The following RCSD1 variants were observed in gnomAD, a reference collection of about 807,000 sequenced individuals.
RCSD1 encodes capZ-interacting protein.
Under a neutral mutation model 42.5 loss-of-function variants are expected in RCSD1, and 26 were observed. That is an observed-to-expected ratio of 0.61 (90% confidence interval 0.45 to 0.85). The LOEUF (loss-of-function observed/expected upper bound fraction) is 0.85, where lower values mean the gene tolerates loss of function less well. Ranked by LOEUF, RCSD1 falls within the 40% of genes least tolerant of loss-of-function variation. The probability of loss-of-function intolerance (pLI) is 0.00; values close to 1 mark genes in which losing one functional copy is unlikely to be tolerated. For missense variants in RCSD1, 571 were observed against 528.3 expected, an observed-to-expected ratio of 1.08 and a Z score of -0.79; for synonymous variants, 220 against 212.2, an observed-to-expected ratio of 1.04 and a Z score of -0.32.
chr1:167,640,773 C>T (rs1047730187), intron 1 of RCSD1: 1 of 152,352 alleles, frequency 6.6e-6, no homozygotes, highest in Non-Finnish European at 1.5e-5. Context: ...TGGTCTTGAA[C>T]TCTTGGGCTC....
intron 4 of RCSD1, among the ~76,000 whole-genome samples, chr1:167,691,006 G>A (rs575453153): frequency 3.9e-5 from 6 of 152,140 alleles, no homozygotes; most frequent in Non-Finnish European, 7.4e-5. Flanking sequence ...GCTTTCACAG[G>A]TGATATAATA....
chr1:167,635,545 GGC>G (rs1474919384), intron 1 of RCSD1, among the ~76,000 whole-genome samples: 6 of 152,218 alleles, frequency 3.9e-5, no homozygotes, highest in Non-Finnish European at 5.9e-5. Context: ...GCCAGAGCTT[GGC>G]GCGCGCGGTT....
intron 1 of RCSD1, among the ~76,000 whole-genome samples, chr1:167,658,621 G>C (rs1030948918): frequency 1.4e-4 from 22 of 151,930 alleles, no homozygotes; most frequent in African/African-American, 5.3e-4. Flanking sequence ...TGGAGAGACG[G>C]AGTTCCACCA....
intron 1 of RCSD1, among the ~76,000 whole-genome samples, chr1:167,649,071 A>G (rs1472068610): frequency 6.6e-6 from 1 of 152,236 alleles, no homozygotes; most frequent in African/African-American, 2.4e-5. Context: ...CTCAGAACAC[A>G]GATCTGAGTA....
At chr1:167,644,488 A>AATAAATACATACATAC (rs1295341494) in intron 1 of RCSD1, among the ~76,000 whole-genome samples, 1 of 76,722 alleles carries the variant, frequency 1.3e-5, no homozygotes, top group African/African-American at 5.6e-5. Flanking sequence ...TCAAAAAATA[A>AATAAATACATACATAC]ATACATACAT....
intron 1 of RCSD1, among the ~76,000 whole-genome samples, chr1:167,647,425 CAA>C (rs35279177): frequency 3.9e-5 from 5 of 128,348 alleles, no homozygotes; most frequent in East Asian, 2.3e-4. Flanking sequence ...CCCATCGCTA[CAA>C]AAAAAAAAAA....
chr1:167,649,246 G>A (rs1355852568), intron 1 of RCSD1, among the ~76,000 whole-genome samples: 1 of 152,172 alleles, frequency 6.6e-6, no homozygotes, highest in African/African-American at 2.4e-5. Flanking sequence ...AGAGGACAGT[G>A]TGCAGGATCC....
chr1:167,634,170 G>A (rs1291757802), intron 1 of RCSD1, among the ~76,000 whole-genome samples: 1 of 152,168 alleles, frequency 6.6e-6, no homozygotes, highest in African/African-American at 2.4e-5. Context: ...GAAGGCTTCT[G>A]TGAAGCCCCC....
intron 1 of RCSD1, among the ~76,000 whole-genome samples, chr1:167,661,315 C>T (rs537201167): frequency 1.3e-5 from 2 of 152,210 alleles, no homozygotes; most frequent in Admixed American, 1.3e-4. Flanking sequence ...GCACTTCTAA[C>T]TCCACATCCT....
At chr1:167,688,088 A>G (rs1173902055) in intron 3 of RCSD1, among the ~76,000 whole-genome samples, 1 of 152,192 alleles carries the variant, frequency 6.6e-6, no homozygotes, top group African/African-American at 2.4e-5. Flanking sequence ...TTAAACCGTA[A>G]GGGAAATGAT....
At chr1:167,659,743 C>G (rs959323698) in intron 1 of RCSD1, among the ~76,000 whole-genome samples, 2 of 152,170 alleles carry the variant, frequency 1.3e-5, no homozygotes, top group Non-Finnish European at 1.5e-5. Context: ...GCCCCCTCCC[C>G]CATTTGCTCC....
chr1:167,685,469 CT>C lies in RCSD1; in HGVS notation c.158del (p.Leu53ArgfsTer6), dbSNP rs776971032. ...AAGGAAACCGCCCTGTTCCCTCCCCCTGTTCCCCCCCAAGGTAGACCTGGGC... is the reference window on the plus strand; with the variant it reads ...AAGGAAACCGCCCTGTTCCCTCCCCCGTTCCCCCCCAAGGTAGACCTGGGC... ...TRRKPPCSLP[L>X]FPPKVDLGQN... On this transcript the variant is annotated frameshift_variant, in exon 3 of 7. Coordinates refer to ENST00000367854, the MANE Select transcript of RCSD1 (RefSeq NM_052862.4). LOFTEE classifies it high-confidence loss of function. The C allele has an allele frequency of 1.9e-6, 3 of 1,613,856 alleles. No homozygotes were observed. Among genetic ancestry groups the C allele is most frequent in the Admixed American group, 3.3e-5 (2 of 59,986 alleles).
intron 1 of RCSD1, among the ~76,000 whole-genome samples, chr1:167,674,308 T>C (rs1658887064): frequency 6.6e-6 from 1 of 152,182 alleles, no homozygotes; most frequent in East Asian, 1.9e-4. Context: ...CAAGGCATGC[T>C]GGAGGCAGGG....
At chr1:167,702,671 C>G (rs1659670775) in intron 6 of RCSD1, among the ~76,000 whole-genome samples, 1 of 152,108 alleles carries the variant, frequency 6.6e-6, no homozygotes, top group Non-Finnish European at 1.5e-5. Flanking sequence ...CCCAGCTATG[C>G]AGGAGGCTGA....
At chr1:167,692,907 G>A (rs1163745805) in intron 4 of RCSD1, among the ~76,000 whole-genome samples, 1 of 152,134 alleles carries the variant, frequency 6.6e-6, no homozygotes, top group Non-Finnish European at 1.5e-5. Context: ...GCCAAGGGGA[G>A]CTGGGAGGGA....
At position 167,648,803 on chromosome 1, in the gene RCSD1, G is replaced by A. The variant is rs140569801; in HGVS notation, c.6+18374G>A. 7.4e-3 allele frequency among the ~76,000 whole-genome samples: 1,124 copies of A among 152,346 alleles called. 16 individuals are homozygous for A. The highest frequency in any genetic ancestry group is 0.026 in the African/African-American group (1,073 of 41,578). Reference sequence around the variant, plus strand: ...GGGTTTGGGCTGAACTCTAGAGAATGATGGGCTGGTCCTCTAGGAAATCCC... The same window carrying A: ...GGGTTTGGGCTGAACTCTAGAGAATAATGGGCTGGTCCTCTAGGAAATCCC... On this transcript the variant is annotated intron_variant, in intron 1 of 6. Coordinates refer to ENST00000367854, the MANE Select transcript of RCSD1 (RefSeq NM_052862.4).
intron 5 of RCSD1, among the ~76,000 whole-genome samples, chr1:167,695,757 G>C (rs1026017897): frequency 6.6e-6 from 1 of 151,986 alleles, no homozygotes; most frequent in East Asian, 1.9e-4. Context: ...CTGGGCTCAA[G>C]TGATCTGCTG....
At position 167,630,412 on chromosome 1, in the gene RCSD1, C is replaced by T; in HGVS notation, c.-12C>T. 4 of 1,529,764 alleles carry T rather than the reference C, an allele frequency of 2.6e-6. No homozygotes were observed. The South Asian group carries it at 3.7e-5, about 14-fold the overall frequency. 94.8% of individuals were successfully genotyped at this position (1,529,764 alleles called of 1,614,324 possible). The stretch of plus-strand genomic sequence containing the variant: ...GCGGGTGCGTCTGCCGCAGAGTCGG[C>T]ACCTGAAGGACATGGAGGTAAAGGA... On this transcript the variant is annotated 5_prime_UTR_variant, in exon 1 of 7. Transcript: ENST00000367854.
chr1:167,635,815 A>G (rs2102193527), intron 1 of RCSD1, among the ~76,000 whole-genome samples: 1 of 152,354 alleles, frequency 6.6e-6, no homozygotes, highest in Non-Finnish European at 1.5e-5. Context: ...ACCAAGAGGT[A>G]TCTTGAGGAT....
Sources: allele counts gnomAD v4.1 joint callset (sites outside exome capture counted in the v4.1 genomes callset), GRCh38; gene constraint gnomAD v4.1.1; transcripts MANE v1.5; gene names NCBI Gene and HGNC (gene_info 2026-07-23, HGNC 2026-07-21).